EYS: variants seen among roughly 807,000 people sequenced by gnomAD.
The protein encoded by EYS is protein eyes shut homolog.
A neutral mutation model predicts 282.1 loss-of-function variants in EYS; 250 were observed. The ratio of observed to expected loss-of-function variants is 0.89; its 90% CI spans 0.80 to 0.98. The LOEUF (loss-of-function observed/expected upper bound fraction) is 0.98, where lower values mean the gene tolerates loss of function less well. EYS is among the 50% of genes least tolerant of loss of function. The probability of loss-of-function intolerance (pLI) is 0.00; values close to 1 mark genes in which losing one functional copy is unlikely to be tolerated. For synonymous variants in EYS, 1,355 were observed against 1,282.9 expected (o/e 1.06, Z -1.20); for missense variants, 4,016 against 3,709.0 (o/e 1.08, Z -2.15).
chr6:65,616,790 A>AC (rs371353702), intron 2 of EYS, among the ~76,000 whole-genome samples: 1 of 149,522 alleles, frequency 6.7e-6, no homozygotes, highest in African/African-American at 2.5e-5. Context: ...GTCTAAAAAA[A>AC]CAAAAAAAAA....
intron 19 of EYS, among the ~76,000 whole-genome samples, chr6:64,880,799 C>T (rs1485933710): frequency 6.7e-6 from 1 of 149,282 alleles, no homozygotes; most frequent in Non-Finnish European, 1.5e-5. Flanking sequence ...TTATATTTTA[C>T]ACACATACTT....
At chr6:64,975,843 T>C (rs1354815629) in intron 14 of EYS, among the ~76,000 whole-genome samples, 1 of 151,898 alleles carries the variant, frequency 6.6e-6, no homozygotes, top group Admixed American at 6.6e-5. Flanking sequence ...AAAATATATG[T>C]TAAATGAAAT....
At chr6:64,973,399 G>C (rs780928611) in intron 14 of EYS, among the ~76,000 whole-genome samples, 1 of 152,012 alleles carries the variant, frequency 6.6e-6, no homozygotes, top group Non-Finnish European at 1.5e-5. Flanking sequence ...ATCATAGTCT[G>C]TGCTGTGAAG....
intron 35 of EYS, among the ~76,000 whole-genome samples, chr6:63,920,929 G>A (rs1764552166): frequency 6.6e-6 from 1 of 150,460 alleles, no homozygotes; most frequent in Non-Finnish European, 1.5e-5. Context: ...GTCTCACTCT[G>A]TTGCCCAGGC....
intron 2 of EYS, among the ~76,000 whole-genome samples, chr6:65,625,363 T>C (rs968744219): frequency 2.0e-5 from 3 of 152,218 alleles, no homozygotes; most frequent in African/African-American, 4.8e-5. Context: ...ATTTGTGTTG[T>C]TTTATTTCAC....
chr6:63,818,689 G>A (rs1171269679), intron 36 of EYS, among the ~76,000 whole-genome samples: 8 of 152,152 alleles, frequency 5.3e-5, no homozygotes, highest in Admixed American at 3.9e-4. Context: ...CCACACTCCT[G>A]TCCTAATTGC....
intron 12 of EYS, among the ~76,000 whole-genome samples, chr6:65,061,486 G>A (rs546389140): frequency 5.3e-5 from 8 of 151,598 alleles, no homozygotes; most frequent in South Asian, 2.1e-4. Flanking sequence ...TCCCATTATC[G>A]ACATCCCCCA....
intron 37 of EYS, among the ~76,000 whole-genome samples, chr6:63,799,010 T>C (rs1307879370): frequency 7.2e-6 from 1 of 139,126 alleles, no homozygotes; most frequent in Non-Finnish European, 1.5e-5. Context: ...TATATATATA[T>C]ATATATATAT....
chr6:65,391,215 C>G (rs181216189), intron 7 of EYS, among the ~76,000 whole-genome samples: 344 of 152,144 alleles, frequency 2.3e-3, no homozygotes, highest in Admixed American at 4.1e-3. Flanking sequence ...TTACAGGATA[C>G]CTCCTGTCCC....
intron 14 of EYS, among the ~76,000 whole-genome samples, chr6:64,968,209 AG>A (rs1454569468): frequency 6.6e-6 from 1 of 152,202 alleles, no homozygotes; most frequent in East Asian, 1.9e-4. Context: ...TATTACTTAC[AG>A]AAACAGTAAA....
intron 26 of EYS, among the ~76,000 whole-genome samples, chr6:64,455,194 G>A (rs1302046303): frequency 6.6e-6 from 1 of 151,880 alleles, no homozygotes; most frequent in African/African-American, 2.4e-5. Context: ...TTATAGGCAG[G>A]CATGAGCCAC....
intron 33 of EYS, among the ~76,000 whole-genome samples, chr6:64,032,147 C>T (rs564058960): frequency 5.3e-4 from 80 of 152,124 alleles, no homozygotes; most frequent in South Asian, 1.9e-3. Flanking sequence ...TGCAAAGGTC[C>T]GCAGCTTCAC....
chr6:64,303,840 CAAAAA>C (rs149728709), intron 30 of EYS, among the ~76,000 whole-genome samples: 4 of 78,232 alleles, frequency 5.1e-5, no homozygotes, highest in Non-Finnish European at 4.8e-5. Flanking sequence ...AACTCCGTCT[CAAAAA>C]AAAAAAAAAA....
At chr6:65,565,244 CA>C (rs765596305) in intron 2 of EYS, among the ~76,000 whole-genome samples, 25 of 1,608 alleles carry the variant, frequency 0.016, no homozygotes, top group Non-Finnish European at 0.016. Context: ...GACTCCGTCT[CA>C]AAAAAAAAAA....
chr6:63,984,928 A>G (rs1328527206), intron 34 of EYS, among the ~76,000 whole-genome samples: 2 of 151,794 alleles, frequency 1.3e-5, no homozygotes, highest in Non-Finnish European at 2.9e-5. Context: ...AAACATTACC[A>G]AATAATAACT....
chr6:64,428,564 G>A (rs1476387689), intron 28 of EYS, among the ~76,000 whole-genome samples: 5 of 152,046 alleles, frequency 3.3e-5, no homozygotes, highest in Non-Finnish European at 4.4e-5. Flanking sequence ...AGTAATCAGT[G>A]GATACCTGTT....
chr6:64,251,741 C>T (rs2150348713), intron 30 of EYS, among the ~76,000 whole-genome samples: 1 of 152,112 alleles, frequency 6.6e-6, no homozygotes, highest in South Asian at 2.1e-4. Context: ...CTAGTATGTG[C>T]TAGGTAGTGA....
chr6:64,300,466 T>C (rs773195659), intron 30 of EYS, among the ~76,000 whole-genome samples: 1 of 150,826 alleles, frequency 6.6e-6, no homozygotes, highest in Admixed American at 6.6e-5. Context: ...TTTCTGATAA[T>C]GGCCACTGTT....
intron 18 of EYS, among the ~76,000 whole-genome samples, chr6:64,900,135 A>G (rs777343472): frequency 5.3e-5 from 8 of 152,196 alleles, no homozygotes; most frequent in Admixed American, 3.9e-4. Flanking sequence ...TGGGGAAAGG[A>G]TTCCCTATTT....
Sources: gnomAD v4.1 joint callset for allele counts (sites outside exome capture counted in the v4.1 genomes callset) on GRCh38, gnomAD v4.1.1 for gene constraint, MANE v1.5 for transcripts, NCBI Gene and HGNC (gene_info 2026-07-23, HGNC 2026-07-21) for gene names.